CHODL: variants seen among roughly 807,000 people sequenced by gnomAD.
CHODL encodes transmembrane protein MT75.
Under a neutral mutation model 34.5 loss-of-function variants are expected in CHODL, and 29 were observed. The ratio of observed to expected loss-of-function variants is 0.84; its 90% CI spans 0.63 to 1.15. The LOEUF (loss-of-function observed/expected upper bound fraction) is 1.15, where lower values mean the gene tolerates loss of function less well. Among genes scored for constraint, CHODL ranks in the 50% most tolerant of loss-of-function variants. The probability of loss-of-function intolerance (pLI) is 0.00; values close to 1 mark genes in which losing one functional copy is unlikely to be tolerated. For missense variants in CHODL, 332 were observed against 332.5 expected, an observed-to-expected ratio of 1.00 and a Z score of 0.01; for synonymous variants, 125 against 116.1, an observed-to-expected ratio of 1.08 and a Z score of -0.49.
rs12483665 is a variant in CHODL at position 18,129,853 on chromosome 21, A to G, written c.-45+101882A>G. Among the ~76,000 whole-genome samples the G allele has an allele frequency of 9.6e-3, 1,464 of 151,736 alleles. 76 individuals carry two copies. The East Asian group carries it at 0.16, about 17-fold the overall frequency. ...AAAAAATATATGCATGGTGTTGGGT[A>G]ATAAATACATCTTTAGTATTCTCTC... On this transcript the variant is annotated intron_variant, in intron 2 of 6. Coordinates refer to the CHODL transcript ENST00000400127.
chr21:18,199,149 A>G (rs2073623739), intron 2 of CHODL, among the ~76,000 whole-genome samples: 1 of 152,154 alleles, frequency 6.6e-6, no homozygotes, highest in African/African-American at 2.4e-5. Flanking sequence ...TTTAGATATC[A>G]TAGTAACAGA....
intron 1 of CHODL, among the ~76,000 whole-genome samples, chr21:18,006,001 C>T (rs2063957377): frequency 6.6e-6 from 1 of 152,166 alleles, no homozygotes; most frequent in South Asian, 2.1e-4. Context: ...CTTTCCTGTG[C>T]TGTTCTCAAG....
intron 2 of CHODL, among the ~76,000 whole-genome samples, chr21:18,186,343 T>C (rs1220297069): frequency 1.3e-5 from 2 of 151,652 alleles, no homozygotes; most frequent in African/African-American, 4.9e-5. Flanking sequence ...ATAGGACAAA[T>C]TCCATCAGAA....
At chr21:17,967,617 A>G (rs899927926) in intron 1 of CHODL, among the ~76,000 whole-genome samples, 1 of 152,162 alleles carries the variant, frequency 6.6e-6, no homozygotes, top group Non-Finnish European at 1.5e-5. Context: ...TTACCTCAAA[A>G]TGTCTTTACT....
chr21:18,218,047 G>A (rs1041498829), intron 2 of CHODL, among the ~76,000 whole-genome samples: 3 of 152,206 alleles, frequency 2.0e-5, no homozygotes, highest in African/African-American at 4.8e-5. Context: ...CTGGCATTGA[G>A]TGTGGCTTTT....
At chr21:18,033,066 A>G (rs1053544049) in intron 2 of CHODL, among the ~76,000 whole-genome samples, 1 of 152,070 alleles carries the variant, frequency 6.6e-6, no homozygotes, top group African/African-American at 2.4e-5. Context: ...TATGCAAAGA[A>G]CAAAAACGGG....
chr21:18,175,652 G>A lies in CHODL; in HGVS notation c.-44-80857G>A, dbSNP rs192247382. On this transcript the variant is annotated intron_variant, in intron 2 of 6. Coordinates refer to the CHODL transcript ENST00000400127. The stretch of plus-strand genomic sequence containing the variant: ...TCCTGGAATTTATAATCAGATAAAG[G>A]AGACAGATGAAAAAGTAACCAATAA... Among the ~76,000 whole-genome samples, 4 of 151,972 alleles carry A rather than the reference G, an allele frequency of 2.6e-5. No individual in the cohort carries two copies. In the East Asian group the frequency reaches 7.7e-4, roughly 29 times the overall value.
Position 18,139,786 on chromosome 21 carries a change from G to C in CHODL, c.-45+111815G>C, listed in dbSNP as rs148182319. ...TAATGTTTGCTGTATGTACTATGTA[G>C]TCTTTTCTGTTAATTATATTTCTTA... On this transcript the variant is annotated intron_variant, in intron 2 of 6. Coordinates refer to the CHODL transcript ENST00000400127. Among the ~76,000 whole-genome samples, 13 of 152,282 alleles carry C rather than the reference G, an allele frequency of 8.5e-5. No individual in the cohort carries two copies. The East Asian group carries it at 2.5e-3, about 29-fold the overall frequency.
At chr21:18,235,462 C>T (rs974681673) in intron 2 of CHODL, among the ~76,000 whole-genome samples, 1 of 152,000 alleles carries the variant, frequency 6.6e-6, no homozygotes, top group Non-Finnish European at 1.5e-5. Flanking sequence ...CTGTACTGGG[C>T]TGGAGGAGAC....
intron 2 of CHODL, among the ~76,000 whole-genome samples, chr21:18,155,487 G>A (rs1413486419): frequency 6.6e-6 from 1 of 152,174 alleles, no homozygotes; most frequent in Non-Finnish European, 1.5e-5. Flanking sequence ...GGAAAGAAGA[G>A]GTTCTTCCCT....
intron 1 of CHODL, among the ~76,000 whole-genome samples, chr21:17,938,577 C>T (rs1214534057): frequency 6.9e-6 from 1 of 145,644 alleles, no homozygotes; most frequent in African/African-American, 2.5e-5. Flanking sequence ...CTCCCGGGTT[C>T]GCGCCATTCT....
chr21:18,201,613 A>G (rs2073653239), intron 2 of CHODL, among the ~76,000 whole-genome samples: 1 of 152,140 alleles, frequency 6.6e-6, no homozygotes. Flanking sequence ...CATTTCTAAT[A>G]AAACAGTGAA....
intron 2 of CHODL, among the ~76,000 whole-genome samples, chr21:18,130,455 A>G (rs372202939): frequency 3.2e-4 from 49 of 152,338 alleles, no homozygotes; most frequent in African/African-American, 1.2e-3. Flanking sequence ...GAGGTGTTTT[A>G]ATACTTTAAA....
At chr21:17,924,744 G>T (rs2824555) in intron 1 of CHODL, among the ~76,000 whole-genome samples, 66,639 of 152,052 alleles carry the variant, frequency 0.44, 14,785 homozygotes, top group South Asian at 0.54. Context: ...GCTTGATATT[G>T]CATTCAGGGT....
At chr21:18,152,434 A>G (rs1271897722) in intron 2 of CHODL, among the ~76,000 whole-genome samples, 1 of 152,208 alleles carries the variant, frequency 6.6e-6, no homozygotes, top group Non-Finnish European at 1.5e-5. Flanking sequence ...ACGAGGCTCA[A>G]CTCAAGGAGT....
chr21:18,115,557 C>T (rs1054189541), intron 2 of CHODL, among the ~76,000 whole-genome samples: 1 of 152,160 alleles, frequency 6.6e-6, no homozygotes, highest in African/African-American at 2.4e-5. Context: ...CAAAGTCTTT[C>T]TTATATGTCA....
chr21:18,206,863 C>CATT (rs138294885), intron 2 of CHODL, among the ~76,000 whole-genome samples: 2,445 of 146,048 alleles, frequency 0.017, 62 homozygotes, highest in African/African-American at 0.05. Context: ...TCTTATAACC[C>CATT]ATTATTATTA....
At chr21:17,953,470 A>G (rs546165521) in intron 1 of CHODL, among the ~76,000 whole-genome samples, 104 of 152,154 alleles carry the variant, frequency 6.8e-4, no homozygotes, top group Admixed American at 1.9e-3. Context: ...CTGTCTCTAA[A>G]AAAATAAGAA....
At chr21:18,235,685 A>G (rs2146762552) in intron 2 of CHODL, among the ~76,000 whole-genome samples, 1 of 152,278 alleles carries the variant, frequency 6.6e-6, no homozygotes, top group South Asian at 2.1e-4. Flanking sequence ...CTTATAATAA[A>G]TTACGTGTTC....
Sources: gnomAD v4.1 joint callset for allele counts (sites outside exome capture counted in the v4.1 genomes callset) on GRCh38, gnomAD v4.1.1 for gene constraint, MANE v1.5 for transcripts, NCBI Gene and HGNC (gene_info 2026-07-23, HGNC 2026-07-21) for gene names.